Variants in CCDC3 observed in about 807,000 individuals in gnomAD.
CCDC3 encodes coiled-coil domain containing 3.
In CCDC3, 24 loss-of-function variants were observed where a neutral mutation model predicts 21.4. The observed-to-expected ratio is 1.12, with a 90% CI of 0.81 to 1.58. CCDC3 has a LOEUF of 1.58. Ranked by LOEUF, CCDC3 falls within the 40% of genes most tolerant of loss-of-function variation. The probability of loss-of-function intolerance (pLI) is 0.00; values close to 1 mark genes in which losing one functional copy is unlikely to be tolerated. For synonymous variants in CCDC3, 186 were observed against 166.0 expected (o/e 1.12, Z -0.93); for missense variants, 425 against 360.9 (o/e 1.18, Z -1.44).
chr10:12,994,929 A>G (rs1044040863), intron 2 of CCDC3, among the ~76,000 whole-genome samples: 1 of 151,930 alleles, frequency 6.6e-6, no homozygotes, highest in Non-Finnish European at 1.5e-5. Context: ...AAAAATACAA[A>G]AATTAGCCAG....
At position 12,919,528 on chromosome 10, in the gene CCDC3, T is replaced by G. The variant is rs1313356560; in HGVS notation, c.550-20849A>C. Among the ~76,000 whole-genome samples, 3 of 148,662 alleles carry G rather than the reference T, an allele frequency of 2.0e-5. No homozygotes were observed. The Admixed American group carries it at 2.0e-4, about 10-fold the overall frequency. On this transcript the variant is annotated intron_variant, in intron 2 of 2. Coordinates refer to ENST00000378825, the MANE Select transcript of CCDC3 (RefSeq NM_031455.4). ...TCACTTGAACCCAGGAGGCAGGGTTTGCAGTGAGCTGAGATCATGCCACTG... is the reference window on the plus strand; with the variant it reads ...TCACTTGAACCCAGGAGGCAGGGTTGGCAGTGAGCTGAGATCATGCCACTG...
chr10:12,953,465 T>C (rs1418353523), intron 2 of CCDC3, among the ~76,000 whole-genome samples: 1 of 152,108 alleles, frequency 6.6e-6, no homozygotes, highest in Non-Finnish European at 1.5e-5. Flanking sequence ...TAAACAAGAT[T>C]AAAATACAGA....
chr10:12,930,992 C>A (rs1397049600), intron 2 of CCDC3, among the ~76,000 whole-genome samples: 1 of 152,102 alleles, frequency 6.6e-6, no homozygotes, highest in Non-Finnish European at 1.5e-5. Flanking sequence ...GGGAGGATCA[C>A]CTGAGGTCAG....
In CCDC3 at chr10:13,038,307, G is replaced by A. The variant is rs541183214; in HGVS notation, c.-2+11367C>T. 2.8e-5 allele frequency among the ~76,000 whole-genome samples: 4 copies of A among 144,636 alleles called. No homozygotes were observed. The South Asian group carries it at 8.8e-4, about 32-fold the overall frequency. The allele number at this position is 144,636 out of a possible 152,430, so 94.9% of individuals were successfully genotyped here. ...GATGATCTGTGCAGCAAACCACGGT[G>A]ACACACATTTACCTATGTAAATGTG... is the stretch of plus-strand genomic sequence containing the variant. On this transcript the variant is annotated intron_variant, in intron 5 of 6. Transcript: ENST00000378839.
chr10:13,071,440 C>A (rs1319935303), intron 4 of CCDC3, among the ~76,000 whole-genome samples: 1 of 152,218 alleles, frequency 6.6e-6, no homozygotes, highest in Non-Finnish European at 1.5e-5. Flanking sequence ...TGACTAATTC[C>A]TGCTGCTTAA....
intron 2 of CCDC3, among the ~76,000 whole-genome samples, chr10:12,959,864 G>A (rs1835152119): frequency 6.6e-6 from 1 of 152,082 alleles, no homozygotes; most frequent in African/African-American, 2.4e-5. Context: ...CTTTTTAAGG[G>A]GTTTCCTGGC....
At chr10:13,074,128 A>AAC (rs1836920565) in intron 3 of CCDC3, 1 of 103,304 alleles carries the variant, frequency 9.7e-6, no homozygotes, top group East Asian at 3.4e-4. Context: ...AGAGGAATCA[A>AAC]ATATATATAT....
chr10:13,001,273 T>C lies in CCDC3; in HGVS notation c.298A>G (p.Asn100Asp), dbSNP rs1835848613. 6.2e-7 allele frequency: 1 copy of C among 1,602,368 alleles called. No homozygotes were observed. The highest frequency in any genetic ancestry group is 2.3e-5 in the East Asian group (1 of 44,398). ...MLEVPAGSRL[N>D]LTGLGYFSCH... ...GAGAAGTAGCCCAGGCCGGTGAGGT[T>C]GAGCCTGGAGCCGGCGGGCACCTCC... The change falls in exon 1 of 3, where the codon AAC becomes GAC. Residue 100 changes from asparagine (N) to aspartate (D), a missense_variant. By Grantham distance (23) the Asn-to-Asp change is conservative (BLOSUM62 1). Transcript: ENST00000378825.
chr10:13,003,032 A>G (rs1164360715), upstream of CCDC3, among the ~76,000 whole-genome samples: 1 of 152,222 alleles, frequency 6.6e-6, no homozygotes, highest in Non-Finnish European at 1.5e-5. Context: ...AAATACAGTC[A>G]CATTAGGGAG....
intron 5 of CCDC3, among the ~76,000 whole-genome samples, chr10:13,036,392 T>C (rs1277100257): frequency 6.6e-6 from 1 of 152,168 alleles, no homozygotes; most frequent in Non-Finnish European, 1.5e-5. Context: ...AGAAAACTCT[T>C]TCCCAAAGAG....
At chr10:12,945,825 A>G in intron 2 of CCDC3, among the ~76,000 whole-genome samples, 1 of 152,248 alleles carries the variant, frequency 6.6e-6, no homozygotes, top group Non-Finnish European at 1.5e-5. Context: ...AAGTTATTTA[A>G]GATAACAAGG....
chr10:12,966,668 T>A (rs1377456462), intron 2 of CCDC3, among the ~76,000 whole-genome samples: 2 of 152,138 alleles, frequency 1.3e-5, no homozygotes, highest in Non-Finnish European at 2.9e-5. Context: ...AACCCTGAGG[T>A]TGGGAATCAT....
intron 4 of CCDC3, among the ~76,000 whole-genome samples, chr10:13,054,042 G>A (rs1430438624): frequency 6.6e-6 from 1 of 151,872 alleles, no homozygotes; most frequent in Non-Finnish European, 1.5e-5. Flanking sequence ...CTACTCGGGA[G>A]GCTGAGACAG....
intron 2 of CCDC3, among the ~76,000 whole-genome samples, chr10:12,962,474 G>A (rs1835194124): frequency 6.6e-6 from 1 of 152,006 alleles, no homozygotes; most frequent in Admixed American, 6.5e-5. Context: ...GTGGTGGTAG[G>A]TGCCTGTAGT....
At chr10:12,990,184 G>C (rs1422983309) in intron 2 of CCDC3, among the ~76,000 whole-genome samples, 1 of 151,666 alleles carries the variant, frequency 6.6e-6, no homozygotes, top group Non-Finnish European at 1.5e-5. Context: ...GTGAACCTGG[G>C]AGGCGGAGCT....
intron 2 of CCDC3, among the ~76,000 whole-genome samples, chr10:12,960,901 G>A (rs147990683): frequency 6.6e-6 from 1 of 152,308 alleles, no homozygotes; most frequent in East Asian, 1.9e-4. Context: ...CTGCACAAAC[G>A]TAGGGATGTT....
chr10:13,057,528 CT>C (rs939410910), intron 4 of CCDC3, among the ~76,000 whole-genome samples: 1 of 151,942 alleles, frequency 6.6e-6, no homozygotes, highest in Non-Finnish European at 1.5e-5. Context: ...CTATTACTTG[CT>C]TTTTTTCTTT....
At chr10:13,092,833 CA>C (rs1158678289) in intron 3 of CCDC3, among the ~76,000 whole-genome samples, 1 of 152,190 alleles carries the variant, frequency 6.6e-6, no homozygotes, top group African/African-American at 2.4e-5. Flanking sequence ...GAAGACAATG[CA>C]ATGTGCCTAC....
intron 3 of CCDC3, among the ~76,000 whole-genome samples, chr10:13,097,000 C>T (rs757085373): frequency 3.7e-4 from 57 of 152,198 alleles, no homozygotes; most frequent in Non-Finnish European, 6.9e-4. Context: ...CTTCTAAGAG[C>T]TGTTGCCAGG....
Sources: gnomAD v4.1 joint callset for allele counts (sites outside exome capture counted in the v4.1 genomes callset) on GRCh38, gnomAD v4.1.1 for gene constraint, MANE v1.5 for transcripts, NCBI Gene and HGNC (gene_info 2026-07-23, HGNC 2026-07-21) for gene names.